The following COMMD1 variants were observed in gnomAD, a reference collection of about 807,000 sequenced individuals.
COMMD1 encodes copper metabolism domain containing 1.
COMMD1 carries 10 observed loss-of-function variants against 17.2 expected under a neutral mutation model. The ratio of observed to expected loss-of-function variants is 0.58; its 90% CI spans 0.36 to 0.99. The LOEUF is 0.99. Among genes scored for constraint, COMMD1 ranks in the 50% least tolerant of loss-of-function variants. COMMD1 has a pLI of 0.01. For synonymous variants in COMMD1, 97 were observed against 91.6 expected (o/e 1.06, Z -0.34); for missense variants, 270 against 231.8 (o/e 1.17, Z -1.07).
intron 1 of COMMD1, among the ~76,000 whole-genome samples, chr2:61,977,119 G>C (rs564476127): frequency 7.2e-5 from 11 of 151,908 alleles, no homozygotes; most frequent in Non-Finnish European, 1.5e-4. Context: ...ACCATGCCTG[G>C]CCATGATGTG....
chr2:62,050,462 AC>A (rs1413519682), intron 2 of COMMD1, among the ~76,000 whole-genome samples: 3 of 152,236 alleles, frequency 2.0e-5, no homozygotes, highest in Non-Finnish European at 2.9e-5. Flanking sequence ...TTCTTAAAAC[AC>A]TGTATGCATT....
chr2:62,109,254 G>A (rs1042632308), intron 2 of COMMD1, among the ~76,000 whole-genome samples: 1 of 152,102 alleles, frequency 6.6e-6, no homozygotes, highest in Non-Finnish European at 1.5e-5. Context: ...TGAGGTTGAG[G>A]GCAATCACTA....
chr2:61,888,693 G>C (rs964346475), upstream of COMMD1: 2 of 648,444 alleles, frequency 3.1e-6, no homozygotes, highest in Non-Finnish European at 5.0e-6. Context: ...GCGTGACGTA[G>C]GAGGCTGTCC....
At chr2:62,132,867 C>CA (rs2104105415) in intron 2 of COMMD1, among the ~76,000 whole-genome samples, 1 of 151,974 alleles carries the variant, frequency 6.6e-6, no homozygotes, top group African/African-American at 2.4e-5. Flanking sequence ...GTTTTAAAGT[C>CA]AAACTAAAGC....
intron 1 of COMMD1, among the ~76,000 whole-genome samples, chr2:61,996,688 A>G (rs942492707): frequency 3.9e-5 from 6 of 152,064 alleles, no homozygotes; most frequent in African/African-American, 1.4e-4. Context: ...ATACCAAGAA[A>G]CCACTTTGTT....
At chr2:61,894,050 C>T (rs2105156045) in intron 1 of COMMD1, among the ~76,000 whole-genome samples, 1 of 152,180 alleles carries the variant, frequency 6.6e-6, no homozygotes, top group South Asian at 2.1e-4. Context: ...CTAGTCTGGG[C>T]AACATAGCAA....
intron 1 of COMMD1, among the ~76,000 whole-genome samples, chr2:61,967,445 T>C (rs747260555): frequency 6.6e-6 from 1 of 152,212 alleles, no homozygotes; most frequent in Non-Finnish European, 1.5e-5. Context: ...TAGACCATAC[T>C]TTGGGTAGCA....
intron 2 of COMMD1, among the ~76,000 whole-genome samples, chr2:62,019,939 A>G (rs1007742973): frequency 6.6e-6 from 1 of 152,086 alleles, no homozygotes; most frequent in African/African-American, 2.4e-5. Context: ...TCTACAATAC[A>G]CTCTTCAGCC....
intron 1 of COMMD1, among the ~76,000 whole-genome samples, chr2:61,960,623 G>A (rs1671315979): frequency 6.6e-6 from 1 of 152,172 alleles, no homozygotes. Flanking sequence ...TAAATGTACA[G>A]CACTGGGTTT....
At chr2:61,890,796 C>T (rs1295623424) in intron 1 of COMMD1, among the ~76,000 whole-genome samples, 1 of 145,004 alleles carries the variant, frequency 6.9e-6, no homozygotes, top group African/African-American at 2.6e-5. Flanking sequence ...CACTGCACTC[C>T]AGCCTGGGTG....
chr2:61,906,402 A>T (rs1032122647), intron 1 of COMMD1, among the ~76,000 whole-genome samples: 1 of 152,256 alleles, frequency 6.6e-6, no homozygotes, highest in Non-Finnish European at 1.5e-5. Context: ...TATTTTAGTA[A>T]TATATCTTAT....
chr2:61,983,550 A>G lies in COMMD1; in HGVS notation c.181-17151A>G, dbSNP rs974944436. ...TGTTATTGGTCTGTTCAGGTTTTGG[A>G]TTTCTTCATTGTTCAATCTTGGTTG... On this transcript the variant is annotated intron_variant, in intron 1 of 2. Transcript: ENST00000311832. 4.4e-4 allele frequency among the ~76,000 whole-genome samples: 67 copies of G among 151,890 alleles called. 1 individual carries two copies. The highest frequency in any genetic ancestry group is 7.4e-5 in the Non-Finnish European group (5 of 67,974).
chr2:61,935,282 CAG>C (rs1281108132), intron 1 of COMMD1, among the ~76,000 whole-genome samples: 5 of 152,220 alleles, frequency 3.3e-5, no homozygotes, highest in Non-Finnish European at 7.3e-5. Context: ...AGACAAATAA[CAG>C]AACTACAGTC....
intron 2 of COMMD1, among the ~76,000 whole-genome samples, chr2:62,094,332 C>G (rs1190672798): frequency 6.6e-6 from 1 of 152,128 alleles, no homozygotes; most frequent in African/African-American, 2.4e-5. Flanking sequence ...CATAGACGGT[C>G]AGAGGGGACC....
chr2:62,025,355 A>G (rs1366132537), intron 2 of COMMD1, among the ~76,000 whole-genome samples: 2 of 151,682 alleles, frequency 1.3e-5, no homozygotes, highest in Non-Finnish European at 2.9e-5. Flanking sequence ...GCAACACCCC[A>G]TCTCTACAAA....
chr2:62,112,541 C>T (rs901452124), intron 2 of COMMD1, among the ~76,000 whole-genome samples: 4 of 152,082 alleles, frequency 2.6e-5, no homozygotes, highest in African/African-American at 7.2e-5. Context: ...TGTCAAGGGA[C>T]GGGGTATGTG....
At chr2:61,997,887 CT>C (rs1668808842) in intron 1 of COMMD1, among the ~76,000 whole-genome samples, 1 of 152,190 alleles carries the variant, frequency 6.6e-6, no homozygotes, top group Admixed American at 6.5e-5. Flanking sequence ...TAGATGGTAT[CT>C]TTTTCCGATA....
At chr2:61,979,017 C>A (rs1440876687) in intron 1 of COMMD1, among the ~76,000 whole-genome samples, 4 of 152,096 alleles carry the variant, frequency 2.6e-5, no homozygotes, top group African/African-American at 9.7e-5. Context: ...TTATTACTGA[C>A]TATAGCCACC....
chr2:61,968,773 G>A (rs1479666227), intron 1 of COMMD1, among the ~76,000 whole-genome samples: 1 of 151,934 alleles, frequency 6.6e-6, no homozygotes, highest in Non-Finnish European at 1.5e-5. Context: ...GCCCAGGCTG[G>A]TTTCAAATTC....
Sources: allele counts gnomAD v4.1 joint callset (sites outside exome capture counted in the v4.1 genomes callset), GRCh38; gene constraint gnomAD v4.1.1; transcripts MANE v1.5; gene names NCBI Gene and HGNC (gene_info 2026-07-23, HGNC 2026-07-21).